The following DNAJC13 variants were observed in gnomAD, a reference collection of about 807,000 sequenced individuals.
DNAJC13 encodes dnaJ homolog subfamily C member 13.
In DNAJC13, 75 loss-of-function variants were observed where a neutral mutation model predicts 290.5. The observed-to-expected ratio is 0.26, with a 90% CI of 0.21 to 0.31. The LOEUF is 0.31. Among genes scored for constraint, DNAJC13 ranks in the 10% least tolerant of loss-of-function variants. DNAJC13 has a pLI of 1.00. For synonymous variants in DNAJC13, 862 were observed against 892.0 expected, an observed-to-expected ratio of 0.97 and a Z score of 0.60; for missense variants, 2,260 against 2,674.5, an observed-to-expected ratio of 0.85 and a Z score of 3.42.
intron 3 of DNAJC13, 113 bp from the exon 4 acceptor site, chr3:132,447,208 A>G (rs947321974): frequency 3.2e-6 from 3 of 924,530 alleles, no homozygotes; most frequent in African/African-American, 1.7e-5. Flanking sequence ...TCTAGACTCT[A>G]TTTTATAAAA....
chr3:132,506,445 C>T (rs2107726063), intron 42 of DNAJC13, among the ~76,000 whole-genome samples: 1 of 151,328 alleles, frequency 6.6e-6, no homozygotes, highest in East Asian at 1.9e-4. Flanking sequence ...TTATTTTAGT[C>T]CAATCTAAAT....
intron 9 of DNAJC13, 74 bp downstream of exon 9, chr3:132,454,231 A>G: frequency 1.0e-6 from 1 of 997,060 alleles, no homozygotes; most frequent in Non-Finnish European, 1.5e-6. Context: ...GGAAAACCAA[A>G]GATATGTAGT....
chr3:132,508,438 C>T (rs1175076767), intron 43 of DNAJC13, among the ~76,000 whole-genome samples: 2 of 152,176 alleles, frequency 1.3e-5, no homozygotes, highest in South Asian at 2.1e-4. Flanking sequence ...TTCAAAGCTT[C>T]GAAGGACAAG....
chr3:132,457,243 T>C, intron 12 of DNAJC13, 26 bp from the exon 13 acceptor site: 2 of 1,542,902 alleles, frequency 1.3e-6, no homozygotes, highest in South Asian at 1.2e-5. Context: ...GTATTGCTAG[T>C]ATATGCTTGT....
chr3:132,535,358 C>T (rs1268254294), intron 55 of DNAJC13, among the ~76,000 whole-genome samples: 3 of 152,160 alleles, frequency 2.0e-5, no homozygotes, highest in Non-Finnish European at 4.4e-5. Flanking sequence ...GGTTCTCTAG[C>T]CTGGCATATT....
intron 25 of DNAJC13, 145 bp from the exon 26 acceptor site, chr3:132,480,224 C>T (rs1054050289): frequency 3.4e-5 from 17 of 498,414 alleles, no homozygotes; most frequent in Admixed American, 1.1e-4. Flanking sequence ...TAATACCAGT[C>T]GTATCACTTA....
chr3:132,520,847 T>A (rs1356711184), intron 48 of DNAJC13, among the ~76,000 whole-genome samples: 2 of 152,226 alleles, frequency 1.3e-5, no homozygotes, highest in African/African-American at 4.8e-5. Flanking sequence ...TACAGCTTAT[T>A]ACAAGTATAT....
chr3:132,508,644 G>A (rs1308591622), intron 43 of DNAJC13, among the ~76,000 whole-genome samples: 3 of 152,248 alleles, frequency 2.0e-5, no homozygotes, highest in South Asian at 4.1e-4. Flanking sequence ...GGAAGACGGG[G>A]GTGGTCAAGG....
intron 29 of DNAJC13, among the ~76,000 whole-genome samples, chr3:132,486,648 AT>A (rs1934888486): frequency 6.6e-6 from 1 of 151,810 alleles, no homozygotes; most frequent in South Asian, 2.1e-4. Context: ...TTTTCTTTTA[AT>A]TTTTTCTATT....
chr3:132,423,409 G>A (rs998862630), intron 1 of DNAJC13, among the ~76,000 whole-genome samples: 1 of 152,146 alleles, frequency 6.6e-6, no homozygotes. Flanking sequence ...ACATTTAAAC[G>A]CTTATACATG....
chr3:132,477,126 T>C (rs1475839393), intron 22 of DNAJC13, among the ~76,000 whole-genome samples: 1 of 152,354 alleles, frequency 6.6e-6, no homozygotes, highest in Non-Finnish European at 1.5e-5. Flanking sequence ...ATATAGAAAA[T>C]GAAATGAAGA....
At chr3:132,467,363 T>A in intron 20 of DNAJC13, 50 bp downstream of exon 20, 1 of 1,597,232 alleles carries the variant, frequency 6.3e-7, no homozygotes. Context: ...TGTGTCCTAG[T>A]CTACTTTAGT....
At chr3:132,471,089 G>A (rs1263832976) in intron 20 of DNAJC13, among the ~76,000 whole-genome samples, 771 of 133,688 alleles carry the variant, frequency 5.8e-3, no homozygotes, top group African/African-American at 0.02. Context: ...CCTCCCTCCC[G>A]GACGGGGCGG....
intron 40 of DNAJC13, 45 bp downstream of exon 40, chr3:132,502,513 A>G (rs751442102): frequency 1.3e-6 from 2 of 1,517,628 alleles, no homozygotes; most frequent in South Asian, 1.3e-5. Flanking sequence ...CCCAAACCTT[A>G]GGTTGGTGTT....
chr3:132,445,618 A>G (rs1187134996), intron 2 of DNAJC13, among the ~76,000 whole-genome samples: 1 of 152,056 alleles, frequency 6.6e-6, no homozygotes, highest in Non-Finnish European at 1.5e-5. Context: ...AAATTCTTCA[A>G]TATAAGGGTT....
intron 42 of DNAJC13, 81 bp from the exon 43 acceptor site, chr3:132,507,156 C>A: frequency 1.1e-6 from 1 of 920,002 alleles, no homozygotes; most frequent in Non-Finnish European, 1.7e-6. Flanking sequence ...ATAGATCTCT[C>A]AAGTTATTTA....
chr3:132,426,089 T>C (rs201943360), intron 1 of DNAJC13, among the ~76,000 whole-genome samples: 2 of 122,478 alleles, frequency 1.6e-5, no homozygotes, highest in Non-Finnish European at 3.8e-5. Flanking sequence ...AATTAGAGAA[T>C]GCAAGAATAT....
rs772343424 is a variant in DNAJC13 at position 132,463,793 on chromosome 3, C to T, written c.1868C>T (p.Ser623Leu). 1.9e-6 allele frequency: 3 copies of T among 1,612,840 alleles called. No individual in the cohort carries two copies. The highest frequency in any genetic ancestry group is 1.7e-5 in the Admixed American group (1 of 59,966). Residue 623 changes from serine (S) to leucine (L), a missense_variant, in exon 17 of 56, where the codon TCA (serine) becomes TTA (leucine). This residue lies in a region of DNAJC13 where 762 missense variants were observed against 964.1 expected (regional missense o/e 0.79). Transcript: ENST00000260818. ...HLHTAMFTIS[S>L]DQRMLTNRQL... is the part of the protein sequence containing the mutation. ...CATACTGCGATGTTTACAATAAGCT[C>T]AGATCAAAGGATGCTTACAAATAGG...
intron 37 of DNAJC13, 134 bp downstream of exon 37, chr3:132,499,444 T>C: frequency 1.2e-6 from 1 of 836,916 alleles, no homozygotes; most frequent in Non-Finnish European, 1.8e-6. Context: ...TTTTCCATAT[T>C]CTTATACCAA....
Sources: gnomAD v4.1 joint callset for allele counts (sites outside exome capture counted in the v4.1 genomes callset) on GRCh38, gnomAD v4.1.1 for gene constraint, gnomAD v4.1.1 regional missense constraint, MANE v1.5 for transcripts, NCBI Gene and HGNC (gene_info 2026-07-23, HGNC 2026-07-21) for gene names.